Variants in THRAP3 observed in about 807,000 individuals in gnomAD.
THRAP3 encodes the protein thyroid hormone receptor-associated protein 3.
Under a neutral mutation model 101.0 loss-of-function variants are expected in THRAP3, and 16 were observed. The ratio of observed to expected loss-of-function variants is 0.16; its 90% CI spans 0.11 to 0.24. The LOEUF is 0.24. THRAP3 is among the 10% of genes least tolerant of loss of function. The pLI, the probability that THRAP3 is intolerant of heterozygous loss-of-function variation, is 1.00. For synonymous variants in THRAP3, 407 were observed against 422.6 expected (o/e 0.96, Z 0.45); for missense variants, 989 against 1,202.7 (o/e 0.82, Z 2.63).
intron 2 of THRAP3, among the ~76,000 whole-genome samples, chr1:36,271,362 A>AGTGC (rs1645588544): frequency 6.7e-6 from 1 of 150,282 alleles, no homozygotes; most frequent in African/African-American, 2.5e-5. Context: ...TGCTCACTGC[A>AGTGC]ACCTCCGCCT....
intron 1 of THRAP3, among the ~76,000 whole-genome samples, chr1:36,232,076 TGTG>T (rs1645034394): frequency 1.3e-5 from 2 of 151,876 alleles, no homozygotes; most frequent in South Asian, 4.2e-4. Context: ...ATTAGGCAGG[TGTG>T]GTGGTGTGCG....
chr1:36,245,479 A>T (rs1354319976), intron 1 of THRAP3, among the ~76,000 whole-genome samples: 3 of 152,022 alleles, frequency 2.0e-5, no homozygotes, highest in Non-Finnish European at 4.4e-5. Context: ...CCTTTCCCCA[A>T]TCTTACAGGT....
chr1:36,294,593 A>T (rs1645921339), intron 8 of THRAP3, among the ~76,000 whole-genome samples: 1 of 152,230 alleles, frequency 6.6e-6, no homozygotes, highest in Non-Finnish European at 1.5e-5. Context: ...GTTGAAATTT[A>T]AAATAACAGA....
intron 1 of THRAP3, among the ~76,000 whole-genome samples, chr1:36,240,528 C>T (rs1645142868): frequency 6.6e-6 from 1 of 152,188 alleles, no homozygotes; most frequent in African/African-American, 2.4e-5. Context: ...TCCAGCTGGA[C>T]ATGTGGGCTG....
At chr1:36,270,449 A>G (rs1245415111) in intron 2 of THRAP3, among the ~76,000 whole-genome samples, 3 of 152,166 alleles carry the variant, frequency 2.0e-5, no homozygotes, top group Non-Finnish European at 4.4e-5. Flanking sequence ...TCTCGCAGCT[A>G]TAAGACAGGC....
intron 3 of THRAP3, among the ~76,000 whole-genome samples, chr1:36,284,570 G>A (rs1018205300): frequency 6.6e-6 from 1 of 152,186 alleles, no homozygotes; most frequent in African/African-American, 2.4e-5. Context: ...TAACTGCTGA[G>A]TTCTACAGAA....
Position 36,293,028 on chromosome 1 carries a change from C to CTTTTT in THRAP3, c.2030+333_2030+337dup, listed in dbSNP as rs71053920. On this transcript the variant is annotated intron_variant, in intron 7 of 11. Coordinates refer to ENST00000354618, the MANE Select transcript of THRAP3 (RefSeq NM_005119.4). Reference sequence around the variant, plus strand: ...AGTAAATGCTAGTTTCTTTTCTTGTCTTTTTTTTTTTTTTTTTTGAGATGG... The same window carrying CTTTTT: ...AGTAAATGCTAGTTTCTTTTCTTGTCTTTTTTTTTTTTTTTTTTTTTTTGAGATGG... Among the ~76,000 whole-genome samples, 12 of 82,824 alleles carry CTTTTT rather than the reference C, an allele frequency of 1.4e-4. 1 individual carries two copies. The South Asian group carries it at 2.1e-3, about 14-fold the overall frequency. The allele number at this position is 82,824 out of a possible 152,430, so 54.3% of individuals were successfully genotyped here. A position where few individuals can be genotyped will look rare whatever the true frequency, so the allele number is the denominator to read the frequency against.
rs373745952 is a variant in THRAP3, at chr1:36,275,232, G to A, written c.-31-7301G>A. On this transcript the variant is annotated intron_variant, in intron 2 of 11. Transcript: ENST00000354618. ...ATGAATCTGCAAGGCGGAGCTTGCA[G>A]CAAGGTAAGATCGCACCACTGCACT... Among the ~76,000 whole-genome samples the A allele has an allele frequency of 9.4e-5, 14 of 148,178 alleles. No homozygotes were observed. In the East Asian group the frequency reaches 2.0e-3, roughly 21 times the overall value.
chr1:36,286,914 C>T lies in THRAP3; in HGVS notation c.684C>T (p.Tyr228=), dbSNP rs147175142. The change falls in exon 4 of 12, where the codon TAC becomes TAT. Residue 228 remains tyrosine (Y), a synonymous_variant. Coordinates refer to ENST00000354618, the MANE Select transcript of THRAP3 (RefSeq NM_005119.4). This position sits in a 1 kb window ranked among gnomAD's most constrained non-coding sequence, Gnocchi z 5.5. ...ESSKPWPDAT[Y]GTGSASRASA... is the part of the protein sequence containing the mutation. ...CGAAGCCATGGCCAGATGCCACCTA[C>T]GGCACTGGTTCTGCATCACGGGCCT... The T allele has an allele frequency of 1.3e-3, 2,054 of 1,614,196 alleles. 21 individuals are homozygous for T. In the African/African-American group the frequency reaches 0.023, roughly 18 times the overall value.
chr1:36,229,039 A>T (rs993655845), intron 1 of THRAP3, among the ~76,000 whole-genome samples: 1 of 152,206 alleles, frequency 6.6e-6, no homozygotes, highest in African/African-American at 2.4e-5. Context: ...TTACCAAGGC[A>T]GTAAGAGACA....
At chr1:36,235,838 C>T (rs1177001023) in intron 1 of THRAP3, among the ~76,000 whole-genome samples, 1 of 152,084 alleles carries the variant, frequency 6.6e-6, no homozygotes, top group Non-Finnish European at 1.5e-5. Context: ...GCTTATGGTA[C>T]ATTCATATAG....
chr1:36,247,715 T>C (rs1645247744), intron 1 of THRAP3, among the ~76,000 whole-genome samples: 1 of 152,164 alleles, frequency 6.6e-6, no homozygotes, highest in African/African-American at 2.4e-5. Flanking sequence ...AACATATGTA[T>C]TGCCTCATTT....
intron 1 of THRAP3, among the ~76,000 whole-genome samples, chr1:36,228,149 C>G (rs1350380307): frequency 6.6e-6 from 1 of 151,358 alleles, no homozygotes; most frequent in Non-Finnish European, 1.5e-5. Context: ...CAGGTTCAAG[C>G]AGTTCTCCCT....
At chr1:36,269,690 C>T (rs568858274) in intron 2 of THRAP3, among the ~76,000 whole-genome samples, 5 of 152,208 alleles carry the variant, frequency 3.3e-5, no homozygotes, top group Non-Finnish European at 7.4e-5. Flanking sequence ...CTTACCTCAG[C>T]CTCCCAAGTA....
At chr1:36,255,435 C>T (rs1645360445) in intron 1 of THRAP3, among the ~76,000 whole-genome samples, 1 of 151,494 alleles carries the variant, frequency 6.6e-6, no homozygotes, top group African/African-American at 2.4e-5. Flanking sequence ...CGAAACCAGC[C>T]TGGGCAACAT....
chr1:36,242,667 T>C (rs2124410802), intron 1 of THRAP3, among the ~76,000 whole-genome samples: 1 of 152,190 alleles, frequency 6.6e-6, no homozygotes, highest in African/African-American at 2.4e-5. Flanking sequence ...TTAGCCAGGA[T>C]GGTCTGGATC....
At chr1:36,262,937 C>A (rs1260862773) in intron 2 of THRAP3, among the ~76,000 whole-genome samples, 1 of 147,676 alleles carries the variant, frequency 6.8e-6, no homozygotes, top group Non-Finnish European at 1.5e-5. Flanking sequence ...GGACTACAGG[C>A]GCCCGCCACC....
At chr1:36,230,653 T>C (rs1380230185) in intron 1 of THRAP3, among the ~76,000 whole-genome samples, 1 of 152,174 alleles carries the variant, frequency 6.6e-6, no homozygotes, top group African/African-American at 2.4e-5. Context: ...TTTCAGGTAA[T>C]AGTGTTTCTT....
intron 8 of THRAP3, among the ~76,000 whole-genome samples, chr1:36,296,088 T>C (rs2124633215): frequency 6.6e-6 from 1 of 150,432 alleles, no homozygotes; most frequent in African/African-American, 2.4e-5. Context: ...ATTCTTCTGC[T>C]TTAGCCTCCC....
Sources: gnomAD v4.1 joint callset for allele counts (sites outside exome capture counted in the v4.1 genomes callset) on GRCh38, gnomAD v4.1.1 for gene constraint, Gnocchi (gnomAD v3.1) non-coding constraint, MANE v1.5 for transcripts, NCBI Gene and HGNC (gene_info 2026-07-23, HGNC 2026-07-21) for gene names.